The following FSIP2 variants were observed in gnomAD, a reference collection of about 807,000 sequenced individuals.
FSIP2 encodes the protein fibrous sheath-interacting protein 2.
FSIP2 carries 367 observed loss-of-function variants against 510.5 expected under a neutral mutation model. That is an observed-to-expected ratio of 0.72 (90% CI 0.66 to 0.78). The LOEUF (loss-of-function observed/expected upper bound fraction) is 0.78. Among genes scored for constraint, FSIP2 ranks in the 30% least tolerant of loss-of-function variants. FSIP2 has a pLI of 0.00. For synonymous variants in FSIP2, 2,601 were observed against 2,732.2 expected, an observed-to-expected ratio of 0.95 and a Z score of 1.50; for missense variants, 7,594 against 7,901.7, an observed-to-expected ratio of 0.96 and a Z score of 1.48.
At position 185,807,149 on chromosome 2, in the gene FSIP2, G is replaced by T. The variant is rs777110292; in HGVS notation, c.17843G>T (p.Arg5948Ile). Reference protein sequence around the residue: ...INSNGENLARRLTSAVINEIF... With the variant: ...INSNGENLARILTSAVINEIF... Reference sequence around the variant, plus strand: ...AGTAATGGAGAAAATTTAGCAAGAAGACTAACTAGTGCAGTGATAAATGAA... The same window carrying T: ...AGTAATGGAGAAAATTTAGCAAGAATACTAACTAGTGCAGTGATAAATGAA... Residue 5948 changes from arginine to isoleucine, a missense_variant, in exon 17 of 23, where the codon AGA becomes ATA. Transcript: ENST00000424728. 4.4e-6 allele frequency: 7 copies of T among 1,602,792 alleles called. No homozygotes were observed. In the African/African-American group the frequency reaches 9.4e-5, roughly 22 times the overall value.
At position 185,803,562 on chromosome 2, in the gene FSIP2, T is replaced by G. The variant is rs1281160518; in HGVS notation, c.14256T>G (p.Pro4752=). ...QIHPDLIANL[P]FKSHSKLSAN... is the part of the protein sequence containing the mutation. ...ATCCAGATCTTATAGCAAATCTGCC[T>G]TTTAAATCACATTCCAAACTCAGTG... Residue 4752 remains proline (P), a synonymous_variant, in exon 17 of 23, where the codon CCT becomes CCG. Transcript: ENST00000424728. 6.5e-7 allele frequency: 1 copy of G among 1,532,914 alleles called. No homozygotes were observed. The highest frequency in any genetic ancestry group is 8.7e-7 in the Non-Finnish European group (1 of 1,144,792). 95.0% of individuals were successfully genotyped at this position (1,532,914 alleles called of 1,614,324 possible).
At chr2:185,769,333 G>A (rs898783842) in intron 13 of FSIP2, among the ~76,000 whole-genome samples, 3 of 152,124 alleles carry the variant, frequency 2.0e-5, no homozygotes, top group African/African-American at 7.2e-5. Context: ...CCTGACTGGT[G>A]CAAGATGGTA....
intron 18 of FSIP2, among the ~76,000 whole-genome samples, chr2:185,814,419 G>A (rs1006216175): frequency 2.6e-5 from 4 of 152,066 alleles, no homozygotes; most frequent in African/African-American, 7.2e-5. Flanking sequence ...GACTGGCTGA[G>A]GTAGGAGGAA....
rs567519677 is a variant in FSIP2 at position 185,751,924 on chromosome 2, A to G, written c.871-1798A>G. On this transcript the variant is annotated intron_variant, in intron 7 of 22. Coordinates refer to ENST00000424728, the MANE Select transcript of FSIP2 (RefSeq NM_173651.4). ...TTTATTTATATACATACACGTAATA[A>G]TTCCCACAATACATTGCTAAGTTTG... is the stretch of plus-strand genomic sequence containing the variant. Among the ~76,000 whole-genome samples the G allele has an allele frequency of 2.6e-5, 4 of 151,400 alleles. No individual in the cohort carries two copies. In the East Asian group the frequency reaches 7.8e-4, roughly 29 times the overall value.
At chr2:185,815,617 G>C (rs1275453950) in intron 19 of FSIP2, 146 bp downstream of exon 19, 4 of 484,298 alleles carry the variant, frequency 8.3e-6, no homozygotes, top group Non-Finnish European at 1.5e-5. Context: ...ACCCTACTGT[G>C]AATAATTCCA....
chr2:185,745,668 A>T, intron 5 of FSIP2, 100 bp downstream of exon 5: 2 of 944,220 alleles, frequency 2.1e-6, no homozygotes, highest in Non-Finnish European at 3.0e-6. Flanking sequence ...ACTGGACACC[A>T]TTCTCCTGGA....
rs150592318 is a variant in FSIP2 at position 185,801,051 on chromosome 2, C to G, written c.11745C>G (p.Ser3915=). The change falls in exon 17 of 23, where the codon TCC becomes TCG. Residue 3915 remains serine, a synonymous_variant. Transcript: ENST00000424728. Reference sequence around the variant, plus strand: ...ATGATAGTAATTCTTTGACAGTATCCCTGAATAATCCCAGTGTGGTTAGCT... The same window carrying G: ...ATGATAGTAATTCTTTGACAGTATCGCTGAATAATCCCAGTGTGGTTAGCT... ...RSYDSNSLTV[S]LNNPSVVSSK... The G allele has an allele frequency of 1.3e-6, 2 of 1,531,828 alleles. No individual in the cohort carries two copies. The highest frequency in any genetic ancestry group is 2.0e-5 in the Admixed American group (1 of 50,670). 94.9% of individuals were successfully genotyped at this position (1,531,828 alleles called of 1,614,324 possible).
In FSIP2 at chr2:185,792,084, A is replaced by C; in HGVS notation, c.4948A>C (p.Ile1650Leu). 6.5e-7 allele frequency: 1 copy of C among 1,533,736 alleles called. No homozygotes were observed. The highest frequency in any genetic ancestry group is 8.7e-7 in the Non-Finnish European group (1 of 1,145,130). Residue 1650 changes from isoleucine to leucine, a missense_variant, in exon 16 of 23, where the codon ATT becomes CTT. Coordinates refer to ENST00000424728, the MANE Select transcript of FSIP2 (RefSeq NM_173651.4). ...YMHAKKVSSA[I>L]LKVIQTELNV... The stretch of plus-strand genomic sequence containing the variant: ...GCATGCAAAGAAGGTATCAAGTGCT[A>C]TTTTGAAGGTTATTCAAACAGAATT...
chr2:185,794,288 A>G lies in FSIP2; in HGVS notation c.7152A>G (p.Gln2384=). 6.6e-7 allele frequency: 1 copy of G among 1,526,590 alleles called. No individual in the cohort carries two copies. Among genetic ancestry groups the G allele is most frequent in the South Asian group, 1.2e-5 (1 of 82,466 alleles). 94.6% of individuals were successfully genotyped at this position (1,526,590 alleles called of 1,614,324 possible). Reference sequence around the variant, plus strand: ...CATATCAAAACAATATTTTGTTCCAAGAAAACATCATTGTGAGTGAAATTG... The same window carrying G: ...CATATCAAAACAATATTTTGTTCCAGGAAAACATCATTGTGAGTGAAATTG... The part of the protein sequence containing the change: ...IYPYQNNILF[Q]ENIIVSEIVD... Residue 2384 remains glutamine (Q), a synonymous_variant, in exon 16 of 23, where the codon CAA becomes CAG. Coordinates refer to ENST00000424728, the MANE Select transcript of FSIP2 (RefSeq NM_173651.4).
In FSIP2 at chr2:185,790,640, A is replaced by G; in HGVS notation, c.3504A>G (p.Gln1168=). The change falls in exon 16 of 23, where the codon CAA becomes CAG. Residue 1168 remains glutamine (Q), a synonymous_variant. Coordinates refer to ENST00000424728, the MANE Select transcript of FSIP2 (RefSeq NM_173651.4). ...FSVSEISTVA[Q]EITDSVLNIL... The stretch of plus-strand genomic sequence containing the variant: ...TTTCAGAAATCAGTACAGTGGCTCA[A>G]GAAATAACAGATTCTGTGTTAAACA... 6.5e-7 allele frequency: 1 copy of G among 1,534,056 alleles called. No homozygotes were observed. The highest frequency in any genetic ancestry group is 8.7e-7 in the Non-Finnish European group (1 of 1,145,432).
intron 12 of FSIP2, among the ~76,000 whole-genome samples, 194 bp from the exon 13 acceptor site, chr2:185,764,308 A>G (rs1010011713): frequency 2.0e-5 from 3 of 151,786 alleles, no homozygotes; most frequent in Non-Finnish European, 4.4e-5. Context: ...TGATACAACT[A>G]TGAACTTTGA....
chr2:185,746,717 A>G lies in FSIP2; in HGVS notation c.666A>G (p.Ala222=). Residue 222 remains alanine (A), a synonymous_variant, in exon 6 of 23, where the codon GCA becomes GCG. Coordinates refer to ENST00000424728, the MANE Select transcript of FSIP2 (RefSeq NM_173651.4). ...SRKLEQLERT[A]EEQRLFLMDR... The stretch of plus-strand genomic sequence containing the variant: ...AACTAGAACAACTTGAACGCACAGC[A>G]GAAGAACAACGCCTATTCCTAATGG... 6.5e-7 allele frequency: 1 copy of G among 1,532,032 alleles called. No homozygotes were observed. The allele number at this position is 1,532,032 out of a possible 1,614,324, so 94.9% of individuals were successfully genotyped here. A position where few individuals can be genotyped will look rare whatever the true frequency, so the allele number is the denominator to read the frequency against.
In FSIP2 at chr2:185,799,736, G is replaced by A. The variant is rs1371362548; in HGVS notation, c.10430G>A (p.Arg3477Lys). 2 of 1,459,262 alleles carry A rather than the reference G, an allele frequency of 1.4e-6. No homozygotes were observed. The highest frequency in any genetic ancestry group is 1.4e-5 in the African/African-American group (1 of 70,376). 90.4% of individuals were successfully genotyped at this position (1,459,262 alleles called of 1,614,324 possible). ...AAGATGTCTGTTTCTACATGGTCAA[G>A]GAAAAAATATGAATCAAAACAGTTC... is the stretch of plus-strand genomic sequence containing the variant. ...EEKMSVSTWSRKKYESKQFLR... is the reference protein window; with the variant it reads ...EEKMSVSTWSKKKYESKQFLR... Residue 3477 changes from arginine to lysine, a missense_variant, in exon 17 of 23, where the codon AGG becomes AAG. Physicochemically the swap from Arg to Lys is conservative, Grantham distance 26 (BLOSUM62 2). Coordinates refer to ENST00000424728, the MANE Select transcript of FSIP2 (RefSeq NM_173651.4).
In FSIP2 at chr2:185,807,274, T is replaced by C. The variant is rs879590051; in HGVS notation, c.17968T>C (p.Leu5990=). Residue 5990 remains leucine (L), a synonymous_variant, in exon 17 of 23, where the codon TTG becomes CTG. Transcript: ENST00000424728. The part of the protein sequence containing the change: ...SKDVVKKVQK[L]AQTASKECQT... ...GGATGTTGTTAAAAAGGTCCAAAAG[T>C]TGGCCCAAACAGCCAGCAAAGAATG... The C allele has an allele frequency of 5.0e-6, 8 of 1,612,682 alleles. No homozygotes were observed. Among genetic ancestry groups the C allele is most frequent in the African/African-American group, 2.7e-5 (2 of 74,828 alleles).
chr2:185,807,017 A>C lies in FSIP2; in HGVS notation c.17711A>C (p.Lys5904Thr). ...ATGATGAGAAAACCTTCTTCAGATA[A>C]GATACCATCAATTGACAAAACATTG... ...HKMMRKPSSD[K>T]IPSIDKTLVN... The change falls in exon 17 of 23, where the codon AAG (lysine) becomes ACG (threonine). Residue 5904 changes from lysine to threonine, a missense_variant. Physicochemically the swap from Lys to Thr is moderately conservative, Grantham distance 78 (BLOSUM62 -1). Transcript: ENST00000424728. 6.3e-7 allele frequency: 1 copy of C among 1,598,108 alleles called. No homozygotes were observed. The highest frequency in any genetic ancestry group is 1.1e-5 in the South Asian group (1 of 87,802).
At chr2:185,833,055 A>C in intron 22 of FSIP2, 35 bp from the exon 23 acceptor site, 1 of 1,601,784 alleles carries the variant, frequency 6.2e-7, no homozygotes, top group Non-Finnish European at 8.5e-7. Context: ...GTTCAAAAAT[A>C]AAGATATCAT....
In FSIP2 at chr2:185,789,007, C is replaced by T; in HGVS notation, c.1871C>T (p.Ser624Phe). 1 of 1,534,104 alleles carries T rather than the reference C, an allele frequency of 6.5e-7. No individual in the cohort carries two copies. Among genetic ancestry groups the T allele is most frequent in the Non-Finnish European group, 8.7e-7 (1 of 1,145,478 alleles). ...TCHIKGQSII[S>F]KHKYNKTNLL... ...CACATAAAAGGACAATCTATAATCT[C>T]TAAACATAAATATAATAAAACCAAC... is the stretch of plus-strand genomic sequence containing the variant. Residue 624 changes from serine (S) to phenylalanine (F), a missense_variant, in exon 16 of 23, where the codon TCT becomes TTT. Ser to Phe is a radical substitution (Grantham distance 155, BLOSUM62 -2). Transcript: ENST00000424728.
At position 185,790,868 on chromosome 2, in the gene FSIP2, CT is replaced by C. The variant is rs1430461449; in HGVS notation, c.3733del (p.Trp1245GlyfsTer2). On this transcript the variant is annotated frameshift_variant, in exon 16 of 23. Transcript: ENST00000424728. LOFTEE classifies it high-confidence loss of function. ...TTGACGTTGATCCTGAAAAGCCTCC[CT>C]GGTTAAAATCTGGAAAAAGTGAACC... Reference protein sequence around the residue: ...LFDVDPEKPPWLKSGKSEPKP... With the variant: ...LFDVDPEKPPXLKSGKSEPKP... The C allele has an allele frequency of 1.3e-6, 2 of 1,532,310 alleles. No individual in the cohort carries two copies. Among genetic ancestry groups the C allele is most frequent in the African/African-American group, 2.7e-5 (2 of 72,774 alleles). The allele number at this position is 1,532,310 out of a possible 1,614,324, so 94.9% of individuals were successfully genotyped here.
intron 20 of FSIP2, among the ~76,000 whole-genome samples, chr2:185,826,816 G>C (rs1021371734): frequency 6.6e-6 from 1 of 151,814 alleles, no homozygotes; most frequent in African/African-American, 2.4e-5. Flanking sequence ...GTTATGTTGA[G>C]ATTGAGGTGT....
Sources: allele counts gnomAD v4.1 joint callset (sites outside exome capture counted in the v4.1 genomes callset), GRCh38; gene constraint gnomAD v4.1.1; transcripts MANE v1.5; gene names NCBI Gene and HGNC (gene_info 2026-07-23, HGNC 2026-07-21).